Variants in TENM4 observed in about 807,000 individuals in gnomAD.
TENM4 encodes the protein teneurin-4.
A neutral mutation model predicts 243.3 loss-of-function variants in TENM4; 82 were observed. That is an observed-to-expected ratio of 0.34 (90% CI 0.28 to 0.40). The LOEUF is 0.40. Ranked by LOEUF, TENM4 falls within the 10% of genes least tolerant of loss-of-function variation. TENM4 has a pLI of 1.00. For synonymous variants in TENM4, 1,412 were observed against 1,456.3 expected (o/e 0.97, Z 0.69); for missense variants, 3,138 against 3,673.3 (o/e 0.85, Z 3.77).
intron 6 of TENM4, among the ~76,000 whole-genome samples, chr11:79,027,700 G>C (rs1000458503): frequency 6.6e-6 from 1 of 152,160 alleles, no homozygotes; most frequent in African/African-American, 2.4e-5. Flanking sequence ...CTGGCCTTCT[G>C]TGAACACCAG....
intron 9 of TENM4, among the ~76,000 whole-genome samples, chr11:78,887,776 C>A (rs1397048445): frequency 6.6e-6 from 1 of 152,114 alleles, no homozygotes; most frequent in Non-Finnish European, 1.5e-5. Flanking sequence ...AGAAAGAAGC[C>A]ATGAGATGGA....
At chr11:79,155,074 T>C (rs1335646499) in intron 3 of TENM4, among the ~76,000 whole-genome samples, 1 of 152,156 alleles carries the variant, frequency 6.6e-6, no homozygotes, top group Admixed American at 6.5e-5. Flanking sequence ...GGCCCTTTCC[T>C]GTACTGTTTG....
chr11:79,226,372 G>C (rs953517593), intron 2 of TENM4, among the ~76,000 whole-genome samples: 1 of 152,238 alleles, frequency 6.6e-6, no homozygotes, highest in Non-Finnish European at 1.5e-5. Flanking sequence ...AGCAGAGGGG[G>C]AGAGGGGTAC....
intron 2 of TENM4, among the ~76,000 whole-genome samples, chr11:79,275,514 C>A (rs755405919): frequency 1.3e-5 from 2 of 152,222 alleles, no homozygotes; most frequent in African/African-American, 2.4e-5. Context: ...TTGAGAGCAA[C>A]ACAACTCCAC....
chr11:79,302,064 T>C (rs143366366), intron 1 of TENM4, among the ~76,000 whole-genome samples: 38 of 152,350 alleles, frequency 2.5e-4, no homozygotes, highest in African/African-American at 8.9e-4. Context: ...ATCCGGAATT[T>C]AGCATGGTAC....
At chr11:79,176,420 T>C (rs1863160734) in intron 3 of TENM4, among the ~76,000 whole-genome samples, 1 of 152,234 alleles carries the variant, frequency 6.6e-6, no homozygotes, top group African/African-American at 2.4e-5. Flanking sequence ...TCAGATGTTC[T>C]ATCTCCTGAA....
rs182961285 is a variant in TENM4 at position 78,926,315 on chromosome 11, C to T, written c.494-22792G>A. ...TTTTTGAGGCAGAGTCTTTCTCTGT[C>T]GCCCAGGCTGGAGTGCAGTGGCATG... On this transcript the variant is annotated intron_variant, in intron 6 of 33. Transcript: ENST00000278550. 8.5e-5 allele frequency among the ~76,000 whole-genome samples: 12 copies of T among 140,576 alleles called. 1 individual carries two copies. In the East Asian group the frequency reaches 1.6e-3, roughly 19 times the overall value. 92.2% of individuals were successfully genotyped at this position (140,576 alleles called of 152,430 possible). A position where few individuals can be genotyped will look rare whatever the true frequency, so the allele number is the denominator to read the frequency against.
intron 6 of TENM4, among the ~76,000 whole-genome samples, chr11:78,968,203 A>G (rs1857475139): frequency 6.6e-6 from 1 of 152,216 alleles, no homozygotes; most frequent in Non-Finnish European, 1.5e-5. Flanking sequence ...TGCGATAAGT[A>G]AAAGCTTCCT....
At chr11:78,992,461 A>T (rs1167221619) in intron 6 of TENM4, among the ~76,000 whole-genome samples, 2 of 152,162 alleles carry the variant, frequency 1.3e-5, no homozygotes, top group Non-Finnish European at 2.9e-5. Flanking sequence ...GCATTGCTTT[A>T]GGTTAGAAGA....
Position 78,879,800 on chromosome 11 carries a change from G to A in TENM4, c.1084+9985C>T, listed in dbSNP as rs1859381129. ...TGTCTGGGATGTGAGGAGCGCCTCT[G>A]CCCGGACACCACCCCATCTGGGAGG... On this transcript the variant is annotated intron_variant, in intron 9 of 33. Transcript: ENST00000278550. Among the ~76,000 whole-genome samples, 3 of 151,688 alleles carry A rather than the reference G, an allele frequency of 2.0e-5. No homozygotes were observed. The South Asian group carries it at 6.3e-4, about 32-fold the overall frequency.
chr11:79,400,446 C>T (rs1027916985), intron 1 of TENM4, among the ~76,000 whole-genome samples: 4 of 152,278 alleles, frequency 2.6e-5, no homozygotes, highest in Non-Finnish European at 5.9e-5. Flanking sequence ...CTAAACTCCT[C>T]TATGCTGGCA....
At chr11:78,780,360 A>T (rs1274549861) in intron 16 of TENM4, among the ~76,000 whole-genome samples, 1 of 152,260 alleles carries the variant, frequency 6.6e-6, no homozygotes, top group Admixed American at 6.5e-5. Context: ...ATCAAAGGGC[A>T]TGAATACATA....
intron 3 of TENM4, among the ~76,000 whole-genome samples, chr11:79,198,867 A>G (rs1415028084): frequency 1.3e-5 from 2 of 152,146 alleles, no homozygotes; most frequent in African/African-American, 4.8e-5. Context: ...GAGAAAGATT[A>G]AAAGAGGGGG....
chr11:79,312,379 T>C (rs1856736607), intron 1 of TENM4, among the ~76,000 whole-genome samples: 1 of 152,240 alleles, frequency 6.6e-6, no homozygotes, highest in Admixed American at 6.5e-5. Flanking sequence ...TATATAATGC[T>C]TACTATGTAC....
chr11:78,829,177 C>G (rs541968), intron 12 of TENM4, among the ~76,000 whole-genome samples: 79,883 of 152,096 alleles, frequency 0.53, 23,403 homozygotes, highest in African/African-American at 0.77. Flanking sequence ...GTGTGACCCA[C>G]GTGTGGCCAG....
intron 2 of TENM4, among the ~76,000 whole-genome samples, chr11:79,249,628 T>C (rs1431050929): frequency 2.6e-5 from 4 of 152,224 alleles, no homozygotes; most frequent in Non-Finnish European, 5.9e-5. Context: ...GCAGTATTTA[T>C]GTGAGAAATA....
intron 6 of TENM4, among the ~76,000 whole-genome samples, chr11:79,012,234 C>T (rs574243805): frequency 1.3e-5 from 2 of 152,224 alleles, no homozygotes; most frequent in East Asian, 1.9e-4. Context: ...ATTTTTAAGC[C>T]GTGTGTATTT....
rs761109346 is a variant in TENM4 at position 78,856,047 on chromosome 11, G to A, written c.1387C>T (p.His463Tyr). 1 of 1,551,746 alleles carries A rather than the reference G, an allele frequency of 6.4e-7. No homozygotes were observed. Among genetic ancestry groups the A allele is most frequent in the South Asian group, 1.2e-5 (1 of 84,054 alleles). ...CCCAGAGACACATTGAATTTCAGATGCACAGGATGGTCTATGAACACTTGA... is the reference window on the plus strand; with the variant it reads ...CCCAGAGACACATTGAATTTCAGATACACAGGATGGTCTATGAACACTTGA... ...RSQVFIDHPVHLKFNVSLGKA... is the reference protein window; with the variant it reads ...RSQVFIDHPVYLKFNVSLGKA... The change falls in exon 11 of 34, where the codon CAT (histidine) becomes TAT (tyrosine). Residue 463 changes from histidine (H) to tyrosine (Y), a missense_variant. His to Tyr is a moderately conservative substitution (Grantham distance 83, BLOSUM62 2). Transcript: ENST00000278550.
intron 27 of TENM4, among the ~76,000 whole-genome samples, chr11:78,706,278 T>G (rs1291171980): frequency 1.3e-5 from 2 of 152,130 alleles, no homozygotes; most frequent in Non-Finnish European, 2.9e-5. Flanking sequence ...CTCCACTTCT[T>G]AACAGGTTGC....
Sources: gnomAD v4.1 joint callset for allele counts (sites outside exome capture counted in the v4.1 genomes callset) on GRCh38, gnomAD v4.1.1 for gene constraint, MANE v1.5 for transcripts, NCBI Gene and HGNC (gene_info 2026-07-23, HGNC 2026-07-21) for gene names.